P3H2: variants seen among roughly 807,000 people sequenced by gnomAD.
P3H2 encodes the protein leprecan-like 1.
Under a neutral mutation model 87.0 loss-of-function variants are expected in P3H2, and 80 were observed. The observed-to-expected ratio is 0.92, with a 90% CI of 0.77 to 1.11. The LOEUF (loss-of-function observed/expected upper bound fraction) is 1.11, where lower values mean the gene tolerates loss of function less well. Among genes scored for constraint, P3H2 ranks in the 50% least tolerant of loss-of-function variants. P3H2 has a pLI of 0.00. For synonymous variants in P3H2, 367 were observed against 359.3 expected (o/e 1.02, Z -0.24); for missense variants, 1,001 against 923.9 (o/e 1.08, Z -1.08).
intron 1 of P3H2, among the ~76,000 whole-genome samples, chr3:190,064,713 T>C (rs1008048266): frequency 1.3e-5 from 2 of 152,144 alleles, no homozygotes; most frequent in African/African-American, 4.8e-5. Flanking sequence ...AACAAAGATG[T>C]CTATATTTGA....
At chr3:190,025,642 C>T (rs6782541) in intron 1 of P3H2, among the ~76,000 whole-genome samples, 52,416 of 152,054 alleles carry the variant, frequency 0.34, 9,250 homozygotes, top group East Asian at 0.44. Flanking sequence ...GTCTCACTTA[C>T]ATCTTCTTCT....
At chr3:190,043,838 C>T (rs186467651) in intron 1 of P3H2, among the ~76,000 whole-genome samples, 3 of 152,260 alleles carry the variant, frequency 2.0e-5, no homozygotes, top group Admixed American at 2.0e-4. Context: ...GGAAGATTCT[C>T]AGGGCAGCAG....
At chr3:190,112,316 T>C (rs894223659) in intron 1 of P3H2, among the ~76,000 whole-genome samples, 3 of 152,236 alleles carry the variant, frequency 2.0e-5, no homozygotes, top group African/African-American at 7.2e-5. Context: ...GTTTCATTAA[T>C]GTGGCAGACG....
chr3:190,006,250 G>A (rs1308821692), intron 1 of P3H2, among the ~76,000 whole-genome samples: 1 of 152,126 alleles, frequency 6.6e-6, no homozygotes, highest in East Asian at 1.9e-4. Context: ...AGAAGACTAG[G>A]GCTGGATAGA....
At chr3:190,060,268 G>A (rs776186046) in intron 1 of P3H2, among the ~76,000 whole-genome samples, 4 of 152,062 alleles carry the variant, frequency 2.6e-5, no homozygotes, top group African/African-American at 7.2e-5. Context: ...CACTATTAAC[G>A]AAGTATTTGG....
At chr3:190,107,861 T>C (rs779476768) in intron 1 of P3H2, among the ~76,000 whole-genome samples, 10 of 152,200 alleles carry the variant, frequency 6.6e-5, no homozygotes, top group Non-Finnish European at 1.5e-4. Flanking sequence ...AAACTGCCTG[T>C]ACTATTGATT....
intron 5 of P3H2, 132 bp downstream of exon 5, chr3:189,987,395 C>T: frequency 3.0e-6 from 3 of 1,000,318 alleles, no homozygotes; most frequent in Non-Finnish European, 4.4e-6. Context: ...AGGAGAATCG[C>T]TTGAACCCGG....
In P3H2 at chr3:190,120,526, G is replaced by A. The variant is rs759015600; in HGVS notation, c.206C>T (p.Ala69Val). Reference sequence around the variant, plus strand: ...CAGGCGCCGGTGGCTGCGCAGCGCCGCTTCCAAGTCGCGCACCGCTCGCTC... The same window carrying A: ...CAGGCGCCGGTGGCTGCGCAGCGCCACTTCCAAGTCGCGCACCGCTCGCTC... ...DYERAVRDLE[A>V]ALRSHRRLRE... is the part of the protein sequence containing the mutation. Residue 69 changes from alanine (A) to valine (V), a missense_variant, in exon 1 of 15, where the codon GCG becomes GTG. Ala to Val is a moderately conservative substitution (Grantham distance 64). Transcript: ENST00000319332. 28 of 1,489,078 alleles carry A rather than the reference G, an allele frequency of 1.9e-5. No homozygotes were observed. The Middle Eastern group carries it at 1.6e-3, about 87-fold the overall frequency. 92.2% of individuals were successfully genotyped at this position (1,489,078 alleles called of 1,614,324 possible).
chr3:190,083,366 C>T (rs934187760), intron 1 of P3H2, among the ~76,000 whole-genome samples: 2 of 152,152 alleles, frequency 1.3e-5, no homozygotes, highest in Non-Finnish European at 2.9e-5. Flanking sequence ...CACACCCTTT[C>T]TATTTTGGAT....
chr3:190,098,124 TAC>T (rs1727645440), intron 1 of P3H2, among the ~76,000 whole-genome samples: 2 of 152,238 alleles, frequency 1.3e-5, no homozygotes, highest in South Asian at 2.1e-4. Flanking sequence ...TATGAGAAAT[TAC>T]AGTCGTGTAA....
At chr3:189,962,225 G>A (rs566025947) in intron 14 of P3H2, among the ~76,000 whole-genome samples, 2 of 138,490 alleles carry the variant, frequency 1.4e-5, no homozygotes, top group South Asian at 4.7e-4. Flanking sequence ...TTACAGTGTG[G>A]TGGAGTGATC....
intron 1 of P3H2, among the ~76,000 whole-genome samples, chr3:190,098,738 G>A (rs185029124): frequency 1.6e-4 from 25 of 152,034 alleles, no homozygotes; most frequent in African/African-American, 2.4e-4. Flanking sequence ...TTTATTACAC[G>A]GACCACCAAC....
chr3:190,047,852 A>C (rs1511620), intron 1 of P3H2, among the ~76,000 whole-genome samples: 124,382 of 152,150 alleles, frequency 0.82, 51,039 homozygotes, highest in East Asian at 0.88. Context: ...GGAATAAGTT[A>C]CAGTATGGAA....
Position 189,972,857 on chromosome 3 carries a change from T to A in P3H2, c.1699+17A>T. ...GTATTGTGGGTAAAAGGGAACCATT[T>A]CAGACTGCAATCTCACCAGACAGGG... is the stretch of plus-strand genomic sequence containing the variant. On this transcript the variant is annotated intron_variant, in intron 11 of 14. Transcript: ENST00000319332. 1.2e-6 allele frequency: 2 copies of A among 1,613,944 alleles called. No individual in the cohort carries two copies. Among genetic ancestry groups the A allele is most frequent in the Non-Finnish European group, 1.7e-6 (2 of 1,179,834 alleles).
At chr3:190,083,789 CG>C (rs1727127397) in intron 1 of P3H2, among the ~76,000 whole-genome samples, 1 of 152,170 alleles carries the variant, frequency 6.6e-6, no homozygotes, top group South Asian at 2.1e-4. Context: ...GAGCCACTCT[CG>C]GCTACATGAG....
intron 8 of P3H2, 39 bp from the exon 9 acceptor site, chr3:189,974,724 G>T (rs367974582): frequency 9.4e-5 from 151 of 1,613,764 alleles, no homozygotes; most frequent in Admixed American, 3.2e-4. Context: ...TGTTACCTCT[G>T]TCCCCCGAAA....
Position 189,997,386 on chromosome 3 carries a change from T to C in P3H2, c.481-1944A>G, listed in dbSNP as rs73184349. ...CGTTTTCATGGTGGAATCTAAAATA[T>C]GCTCAATCCATTTTAGTGTGAAGAA... is the stretch of plus-strand genomic sequence containing the variant. On this transcript the variant is annotated intron_variant, in intron 1 of 14. Coordinates refer to ENST00000319332, the MANE Select transcript of P3H2 (RefSeq NM_018192.4). Among the ~76,000 whole-genome samples, 784 of 152,352 alleles carry C rather than the reference T, an allele frequency of 5.1e-3. 1 individual carries two copies. The highest frequency in any genetic ancestry group is 7.1e-3 in the Non-Finnish European group (485 of 68,026).
intron 1 of P3H2, among the ~76,000 whole-genome samples, chr3:190,008,439 T>C (rs1170949017): frequency 6.6e-6 from 1 of 152,134 alleles, no homozygotes; most frequent in African/African-American, 2.4e-5. Context: ...AACTATAGGA[T>C]TGTGTTTAAA....
chr3:190,085,740 ATATT>A (rs1727192543), intron 1 of P3H2, among the ~76,000 whole-genome samples: 1 of 148,524 alleles, frequency 6.7e-6, no homozygotes, highest in Admixed American at 6.6e-5. Flanking sequence ...CATATTTAAT[ATATT>A]TATTAATTAT....
Sources: allele counts gnomAD v4.1 joint callset (sites outside exome capture counted in the v4.1 genomes callset), GRCh38; gene constraint gnomAD v4.1.1; transcripts MANE v1.5; gene names NCBI Gene and HGNC (gene_info 2026-07-23, HGNC 2026-07-21).